TRDN: variants seen among roughly 807,000 people sequenced by gnomAD.
The protein encoded by TRDN is triadin in skeletal muscle.
A neutral mutation model predicts 149.7 loss-of-function variants in TRDN; 161 were observed. That is an observed-to-expected ratio of 1.08 (90% confidence interval 0.95 to 1.23). The LOEUF (loss-of-function observed/expected upper bound fraction) is 1.23, where lower values mean the gene tolerates loss of function less well. TRDN is among the 50% of genes most tolerant of loss of function. TRDN has a pLI of 0.00. For synonymous variants in TRDN, 294 were observed against 250.5 expected (o/e 1.17, Z -1.64); for missense variants, 896 against 823.5 (o/e 1.09, Z -1.08).
intron 24 of TRDN, among the ~76,000 whole-genome samples, chr6:123,314,526 A>T (rs925925267): frequency 2.0e-5 from 3 of 152,084 alleles, no homozygotes; most frequent in African/African-American, 7.2e-5. Context: ...TCCTTCTGTT[A>T]TAAAGACACA....
At chr6:123,568,277 G>A (rs1782391972) in intron 2 of TRDN, among the ~76,000 whole-genome samples, 2 of 152,238 alleles carry the variant, frequency 1.3e-5, no homozygotes. Context: ...CCTGGAGGCT[G>A]CTCTCACACA....
intron 23 of TRDN, among the ~76,000 whole-genome samples, chr6:123,327,890 A>T (rs986837007): frequency 2.2e-4 from 34 of 152,192 alleles, no homozygotes; most frequent in African/African-American, 8.2e-4. Flanking sequence ...TAATATTTAA[A>T]CATAAGTACA....
intron 2 of TRDN, among the ~76,000 whole-genome samples, chr6:123,562,206 C>T (rs1782039829): frequency 6.6e-6 from 1 of 152,102 alleles, no homozygotes; most frequent in Admixed American, 6.5e-5. Flanking sequence ...CCTTTACCTA[C>T]CCGAATCTTA....
At chr6:123,332,068 A>T (rs1779679209) in intron 22 of TRDN, 139 bp from the exon 23 acceptor site, 2 of 605,750 alleles carry the variant, frequency 3.3e-6, no homozygotes, top group Non-Finnish European at 5.6e-6. Flanking sequence ...AAATGGTTTT[A>T]CTCATATAGG....
Position 123,415,730 on chromosome 6 carries a change from C to G in TRDN, c.1052-22053G>C, listed in dbSNP as rs367735675. Among the ~76,000 whole-genome samples, 99 of 152,182 alleles carry G rather than the reference C, an allele frequency of 6.5e-4. 1 individual carries two copies. The East Asian group carries it at 0.014, about 21-fold the overall frequency. On this transcript the variant is annotated intron_variant, in intron 12 of 40. Coordinates refer to ENST00000334268, the MANE Select transcript of TRDN (RefSeq NM_006073.4). ...AAGACCTAATAAAGGTCAATGGTAC[C>G]TCAGTGATAAGTAGACATTAGGCTA...
chr6:123,461,499 A>C (rs1776445948), intron 10 of TRDN, among the ~76,000 whole-genome samples: 1 of 152,190 alleles, frequency 6.6e-6, no homozygotes, highest in African/African-American at 2.4e-5. Context: ...TTGCCACAAC[A>C]GAGGAGTCCT....
At chr6:123,401,319 C>G (rs755354339) in intron 12 of TRDN, among the ~76,000 whole-genome samples, 1 of 152,196 alleles carries the variant, frequency 6.6e-6, no homozygotes, top group African/African-American at 2.4e-5. Flanking sequence ...CTAAATCAAG[C>G]AGCCCAAGGA....
chr6:123,237,115 T>C (rs1022397346), intron 38 of TRDN, among the ~76,000 whole-genome samples: 3 of 152,262 alleles, frequency 2.0e-5, no homozygotes, highest in Admixed American at 6.5e-5. Flanking sequence ...AGATCATATA[T>C]GCATTTTGAT....
At chr6:123,432,697 A>G (rs62419025) in intron 12 of TRDN, among the ~76,000 whole-genome samples, 2 of 151,896 alleles carry the variant, frequency 1.3e-5, no homozygotes, top group Non-Finnish European at 2.9e-5. Context: ...TTCCAACCTG[A>G]CTTTATCTTT....
In TRDN at chr6:123,218,486, A is replaced by G. The variant is rs1775023189; in HGVS notation, c.*115T>C. The G allele has an allele frequency of 3.8e-6, 5 of 1,312,288 alleles. No individual in the cohort carries two copies. Among genetic ancestry groups the G allele is most frequent in the Non-Finnish European group, 5.1e-6 (5 of 971,606 alleles). 81.3% of individuals were successfully genotyped at this position (1,312,288 alleles called of 1,614,324 possible). The stretch of plus-strand genomic sequence containing the variant: ...TTCCGTCCACACCAGGCCAAAGAGC[A>G]AAATGTTTTCACAGAAATTCTCTGG... On this transcript the variant is annotated 3_prime_UTR_variant, in exon 41 of 41. Coordinates refer to ENST00000334268, the MANE Select transcript of TRDN (RefSeq NM_006073.4).
chr6:123,240,180 A>G (rs1775937231), intron 38 of TRDN, among the ~76,000 whole-genome samples: 1 of 151,966 alleles, frequency 6.6e-6, no homozygotes, highest in African/African-American at 2.4e-5. Context: ...AAGTTACAGT[A>G]TTTGTATTAT....
At chr6:123,327,318 A>G (rs1160809924) in intron 23 of TRDN, among the ~76,000 whole-genome samples, 1 of 152,002 alleles carries the variant, frequency 6.6e-6, no homozygotes, top group Non-Finnish European at 1.5e-5. Flanking sequence ...ATTCCACCTT[A>G]TTATTTTTCA....
chr6:123,604,595 G>A (rs1784436917), intron 1 of TRDN, among the ~76,000 whole-genome samples: 1 of 152,144 alleles, frequency 6.6e-6, no homozygotes, highest in African/African-American at 2.4e-5. Flanking sequence ...TAAATTAGAA[G>A]ATTTTGCAGA....
At chr6:123,223,080 C>A (rs578129601) in intron 39 of TRDN, among the ~76,000 whole-genome samples, 1 of 151,768 alleles carries the variant, frequency 6.6e-6, no homozygotes, top group Non-Finnish European at 1.5e-5. Context: ...TTGTGGAAAG[C>A]AGTGTGATGA....
At chr6:123,250,476 A>G (rs1182108854) in intron 38 of TRDN, among the ~76,000 whole-genome samples, 1 of 152,128 alleles carries the variant, frequency 6.6e-6, no homozygotes, top group Non-Finnish European at 1.5e-5. Context: ...TTTCAAATAT[A>G]TATAGTATGC....
intron 38 of TRDN, among the ~76,000 whole-genome samples, chr6:123,225,236 C>T (rs6922440): frequency 0.053 from 8,047 of 151,642 alleles, 630 homozygotes; most frequent in African/African-American, 0.18. Flanking sequence ...ATGAGATGTG[C>T]TGGTGAGGAT....
chr6:123,401,006 C>T (rs1481539707), intron 12 of TRDN, among the ~76,000 whole-genome samples: 1 of 152,114 alleles, frequency 6.6e-6, no homozygotes, highest in South Asian at 2.1e-4. Flanking sequence ...TACTGAGCAG[C>T]CATCCCGAAA....
chr6:123,588,582 G>T (rs2114610815), intron 1 of TRDN, among the ~76,000 whole-genome samples: 1 of 152,284 alleles, frequency 6.6e-6, no homozygotes, highest in African/African-American at 2.4e-5. Flanking sequence ...ACAAATGTGT[G>T]ATGATTTATG....
chr6:123,395,129 A>G (rs1336209233), intron 12 of TRDN, among the ~76,000 whole-genome samples: 1 of 152,220 alleles, frequency 6.6e-6, no homozygotes, highest in Non-Finnish European at 1.5e-5. Flanking sequence ...AAAGAAAAAG[A>G]TTTTAAAATA....
Sources: gnomAD v4.1 joint callset for allele counts (sites outside exome capture counted in the v4.1 genomes callset) on GRCh38, gnomAD v4.1.1 for gene constraint, MANE v1.5 for transcripts, NCBI Gene and HGNC (gene_info 2026-07-23, HGNC 2026-07-21) for gene names.